RABGAP1L: variants seen among roughly 807,000 people sequenced by gnomAD.
RABGAP1L encodes the protein rab GTPase-activating protein 1-like.
Under a neutral mutation model 137.7 loss-of-function variants are expected in RABGAP1L, and 63 were observed. That is an observed-to-expected ratio of 0.46 (90% CI 0.37 to 0.56). The LOEUF (loss-of-function observed/expected upper bound fraction) is 0.56. RABGAP1L is among the 20% of genes least tolerant of loss of function. RABGAP1L has a pLI of 0.00. For missense variants in RABGAP1L, 1,095 were observed against 1,244.0 expected (o/e 0.88, Z 1.80); for synonymous variants, 431 against 433.7 (o/e 0.99, Z 0.08).
intron 11 of RABGAP1L, among the ~76,000 whole-genome samples, chr1:174,369,691 T>A (rs1457758344): frequency 3.9e-5 from 6 of 152,214 alleles, no homozygotes; most frequent in South Asian, 2.1e-4. Context: ...CTTTAACTTT[T>A]AAAATATCTG....
intron 17 of RABGAP1L, among the ~76,000 whole-genome samples, chr1:174,747,995 C>T (rs980399983): frequency 4.0e-5 from 6 of 151,806 alleles, no homozygotes; most frequent in Non-Finnish European, 7.4e-5. Context: ...TAGTTTGCTA[C>T]TTGTAATATC....
At chr1:174,604,302 G>A (rs930671355) in intron 13 of RABGAP1L, among the ~76,000 whole-genome samples, 1 of 152,168 alleles carries the variant, frequency 6.6e-6, no homozygotes, top group Non-Finnish European at 1.5e-5. Flanking sequence ...TCTGCCATGT[G>A]TTTCTTTTGC....
intron 13 of RABGAP1L, among the ~76,000 whole-genome samples, chr1:174,608,036 A>C (rs1421480127): frequency 6.6e-6 from 1 of 152,162 alleles, no homozygotes; most frequent in Non-Finnish European, 1.5e-5. Flanking sequence ...CCATTGGATA[A>C]CATTCTGCCT....
chr1:174,581,662 AT>A (rs1420289982), intron 13 of RABGAP1L, among the ~76,000 whole-genome samples: 2 of 152,188 alleles, frequency 1.3e-5, no homozygotes, highest in African/African-American at 4.8e-5. Flanking sequence ...AAGTCATGGA[AT>A]TGTACGCTTT....
At chr1:174,528,157 A>G (rs1664076035) in intron 13 of RABGAP1L, among the ~76,000 whole-genome samples, 1 of 151,884 alleles carries the variant, frequency 6.6e-6, no homozygotes, top group Non-Finnish European at 1.5e-5. Flanking sequence ...GGTGGTTATT[A>G]ATATATAACA....
At chr1:174,957,326 C>T in intron 19 of RABGAP1L, 131 bp from the exon 20 acceptor site, 1 of 682,200 alleles carries the variant, frequency 1.5e-6, no homozygotes, top group Non-Finnish European at 2.6e-6. Context: ...ACTCTGGAAT[C>T]TCTATTTTTC....
chr1:174,356,131 AT>A (rs1264833275), intron 11 of RABGAP1L, among the ~76,000 whole-genome samples: 1 of 152,138 alleles, frequency 6.6e-6, no homozygotes, highest in Non-Finnish European at 1.5e-5. Flanking sequence ...TCACTTTTAT[AT>A]TATTCTAGTT....
Position 174,319,159 on chromosome 1 carries a change from A to G in RABGAP1L, c.1465+14032A>G, listed in dbSNP as rs1168681505. Among the ~76,000 whole-genome samples the G allele has an allele frequency of 2.0e-5, 3 of 152,208 alleles. No individual in the cohort carries two copies. In the East Asian group the frequency reaches 5.8e-4, roughly 29 times the overall value. ...TTAACATTCTTTTCTTTCAGGTTGA[A>G]GAACTCTTTAGCATTTCTTGTAAGA... On this transcript the variant is annotated intron_variant, in intron 11 of 25. Coordinates refer to ENST00000681986, the MANE Select transcript of RABGAP1L (RefSeq NM_001366446.1).
intron 13 of RABGAP1L, among the ~76,000 whole-genome samples, chr1:174,417,674 C>G (rs1335615860): frequency 6.6e-6 from 1 of 152,140 alleles, no homozygotes; most frequent in Non-Finnish European, 1.5e-5. Flanking sequence ...ATAACTTACT[C>G]AAATATTCAC....
At chr1:174,539,790 T>A (rs1665215020) in intron 13 of RABGAP1L, among the ~76,000 whole-genome samples, 1 of 152,242 alleles carries the variant, frequency 6.6e-6, no homozygotes, top group African/African-American at 2.4e-5. Context: ...TGATTTATAA[T>A]CCTTCGGGTT....
intron 13 of RABGAP1L, among the ~76,000 whole-genome samples, chr1:174,489,363 A>T (rs975470368): frequency 6.6e-6 from 1 of 152,130 alleles, no homozygotes; most frequent in African/African-American, 2.4e-5. Context: ...CAAAAAGTGG[A>T]CGAAGGATAT....
At chr1:174,179,550 A>G (rs1571397846) in intron 1 of RABGAP1L, among the ~76,000 whole-genome samples, 1 of 63,976 alleles carries the variant, frequency 1.6e-5, no homozygotes, top group Non-Finnish European at 2.8e-5. Context: ...ACGTGCACAC[A>G]CACACACACA....
chr1:174,589,671 G>T (rs1669401368), intron 13 of RABGAP1L, among the ~76,000 whole-genome samples: 1 of 152,058 alleles, frequency 6.6e-6, no homozygotes, highest in African/African-American at 2.4e-5. Flanking sequence ...TCATTCTTCT[G>T]CATATGGATT....
At chr1:174,742,046 AAAGAAG>A (rs1188312376) in intron 17 of RABGAP1L, among the ~76,000 whole-genome samples, 1 of 130,164 alleles carries the variant, frequency 7.7e-6, no homozygotes, top group African/African-American at 3.3e-5. Context: ...CTCAAAAAAA[AAAGAAG>A]AAGAAGAAGA....
At chr1:174,682,778 A>G (rs188962348) in intron 14 of RABGAP1L, among the ~76,000 whole-genome samples, 1 of 152,356 alleles carries the variant, frequency 6.6e-6, no homozygotes, top group Admixed American at 6.5e-5. Flanking sequence ...GCTACTTTCC[A>G]AGGAATGCTG....
In RABGAP1L at chr1:174,234,040, G is replaced by C. The variant is rs1343159599; in HGVS notation, c.542+2685G>C. Among the ~76,000 whole-genome samples the C allele has an allele frequency of 1.5e-5, 2 of 136,474 alleles. 1 individual carries two copies. The highest frequency in any genetic ancestry group is 6.7e-5 in the African/African-American group (2 of 29,708). 89.5% of individuals were successfully genotyped at this position (136,474 alleles called of 152,430 possible). ...AGTGATGATGAGCATTTTTTCATGT[G>C]TTTTTTGGCTGCATAAATGTCTTCT... On this transcript the variant is annotated intron_variant, in intron 4 of 25. Transcript: ENST00000681986.
intron 14 of RABGAP1L, among the ~76,000 whole-genome samples, chr1:174,665,937 G>A: frequency 6.6e-6 from 1 of 152,166 alleles, no homozygotes; most frequent in East Asian, 1.9e-4. Context: ...AGAATTCTTT[G>A]AAAGCCACTT....
At chr1:174,422,706 G>C (rs1651468259) in intron 13 of RABGAP1L, among the ~76,000 whole-genome samples, 1 of 151,966 alleles carries the variant, frequency 6.6e-6, no homozygotes, top group Admixed American at 6.5e-5. Context: ...CCAGCACTTT[G>C]GGAGGCCAAG....
At chr1:174,257,832 GTAT>G (rs1673252260) in intron 7 of RABGAP1L, among the ~76,000 whole-genome samples, 1 of 152,134 alleles carries the variant, frequency 6.6e-6, no homozygotes, top group Admixed American at 6.5e-5. Flanking sequence ...CAGAAGAGTT[GTAT>G]TATTGTGTAC....
Sources: gnomAD v4.1 joint callset for allele counts (sites outside exome capture counted in the v4.1 genomes callset) on GRCh38, gnomAD v4.1.1 for gene constraint, MANE v1.5 for transcripts, NCBI Gene and HGNC (gene_info 2026-07-23, HGNC 2026-07-21) for gene names.